NCKIPSD: variants seen among roughly 807,000 people sequenced by gnomAD.
NCKIPSD encodes NCK interacting protein with SH3 domain.
A neutral mutation model predicts 73.4 loss-of-function variants in NCKIPSD; 48 were observed. That is an observed-to-expected ratio of 0.65 (90% CI 0.52 to 0.83). NCKIPSD has a LOEUF of 0.83. NCKIPSD is among the 40% of genes least tolerant of loss of function. NCKIPSD has a pLI of 0.00. For missense variants in NCKIPSD, 884 were observed against 970.2 expected (o/e 0.91, Z 1.18); for synonymous variants, 422 against 403.6 (o/e 1.05, Z -0.54).
chr3:48,684,479 C>A (rs1377420328), intron 1 of NCKIPSD, among the ~76,000 whole-genome samples: 1 of 152,206 alleles, frequency 6.6e-6, no homozygotes, highest in African/African-American at 2.4e-5. Flanking sequence ...TGGGATCACG[C>A]CAAGGGTCTA....
intron 3 of NCKIPSD, 26 bp downstream of exon 3, chr3:48,682,322 T>C (rs2077368097): frequency 6.2e-7 from 1 of 1,611,862 alleles, no homozygotes; most frequent in Non-Finnish European, 8.5e-7. Context: ...CCCACCTCCC[T>C]TCTCCACGAT....
In NCKIPSD at chr3:48,678,930, T is replaced by C. The variant is rs1559491974; in HGVS notation, c.1739A>G (p.His580Arg). 1 of 1,613,864 alleles carries C rather than the reference T, an allele frequency of 6.2e-7. No individual in the cohort carries two copies. Among genetic ancestry groups the C allele is most frequent in the Non-Finnish European group, 8.5e-7 (1 of 1,179,976 alleles). ...QNVIMAALSKHANVKIFSEKL... is the reference protein window; with the variant it reads ...QNVIMAALSKRANVKIFSEKL... ...CTCGGAGAAGATCTTGACATTGGCGTGTTTGCTCAGGGCAGCCATGATGAC... is the reference window on the plus strand; with the variant it reads ...CTCGGAGAAGATCTTGACATTGGCGCGTTTGCTCAGGGCAGCCATGATGAC... Residue 580 changes from histidine (H) to arginine (R), a missense_variant, in exon 11 of 13, where the codon CAC becomes CGC. His to Arg is a conservative substitution (Grantham distance 29). Transcript: ENST00000294129.
In NCKIPSD at chr3:48,685,739, G is replaced by A. The variant is rs746238210; in HGVS notation, c.69C>T (p.Thr23=). Residue 23 remains threonine, a synonymous_variant, in exon 1 of 13, where the codon ACC becomes ACT. Transcript: ENST00000294129. ...CGCTGCTTCGCTCTAGCACCAGGAA[G>A]GTCTCGCCCGCGGCGAACGCCAGCG... ...PNALAFAAGE[T]FLVLERSSAH... The A allele has an allele frequency of 7.2e-6, 11 of 1,532,568 alleles. No individual in the cohort carries two copies. The South Asian group carries it at 1.3e-4, about 18-fold the overall frequency. The allele number at this position is 1,532,568 out of a possible 1,614,324, so 94.9% of individuals were successfully genotyped here. A position where few individuals can be genotyped will look rare whatever the true frequency, so the allele number is the denominator to read the frequency against.
At position 48,674,781 on chromosome 3, in the gene NCKIPSD, G is replaced by T. The variant is rs1246065147; in HGVS notation, c.1966-34C>A. 4 of 1,606,354 alleles carry T rather than the reference G, an allele frequency of 2.5e-6. No individual in the cohort carries two copies. The African/African-American group carries it at 5.3e-5, about 21-fold the overall frequency. On this transcript the variant is annotated intron_variant, in intron 12 of 12. Coordinates refer to ENST00000294129, the MANE Select transcript of NCKIPSD (RefSeq NM_016453.4). ...AGAGCAGGCCAGCTCAGGGACCCCA[G>T]GGAGGTACTGCAACCACCACTGGAC...
chr3:48,680,505 C>A (rs1311004611), intron 5 of NCKIPSD, among the ~76,000 whole-genome samples: 1 of 152,168 alleles, frequency 6.6e-6, no homozygotes, highest in Non-Finnish European at 1.5e-5. Context: ...TCTGTCACTG[C>A]CAGAATGTGA....
At chr3:48,685,580 C>A in intron 1 of NCKIPSD, 57 bp downstream of exon 1, 1 of 1,469,766 alleles carries the variant, frequency 6.8e-7, no homozygotes, top group Non-Finnish European at 8.9e-7. Context: ...TTCCGCGGGG[C>A]TGTGAAGGGG....
At chr3:48,683,322 A>T (rs763789584) in intron 1 of NCKIPSD, among the ~76,000 whole-genome samples, 1 of 152,226 alleles carries the variant, frequency 6.6e-6, no homozygotes, top group Non-Finnish European at 1.5e-5. Flanking sequence ...AACATAGCCC[A>T]GGGGCTCCCA....
rs1241740509 is a variant in NCKIPSD at position 48,685,696 on chromosome 3, C to A, written c.112G>T (p.Ala38Ser). Residue 38 changes from alanine (A) to serine (S), a missense_variant, in exon 1 of 13, where the codon GCG becomes TCG. Physicochemically the swap from Ala to Ser is moderately conservative, Grantham distance 99. Coordinates refer to ENST00000294129, the MANE Select transcript of NCKIPSD (RefSeq NM_016453.4). ...ERSSAHWWLA[A>S]RARSGETGYV... is the part of the protein sequence containing the mutation. ...CCCGTCTCACCACTGCGCGCCCGCG[C>A]GGCCAGCCACCAGTGCGCGCTGCTT... The A allele has an allele frequency of 1.3e-6, 2 of 1,526,524 alleles. No individual in the cohort carries two copies. Among genetic ancestry groups the A allele is most frequent in the Non-Finnish European group, 1.7e-6 (2 of 1,142,886 alleles). The allele number at this position is 1,526,524 out of a possible 1,614,324, so 94.6% of individuals were successfully genotyped here.
Position 48,685,787 on chromosome 3 carries a change from C to A in NCKIPSD, c.21G>T (p.Ala7=). ...GCGCGTTGGGCTCCGCCGAGCGGAA[C>A]GCGTACAGCGCGCGGTACATGAGGC... MYRALY[A]FRSAEPNALA... The change falls in exon 1 of 13, where the codon GCG becomes GCT. Residue 7 remains alanine, a synonymous_variant. Coordinates refer to ENST00000294129, the MANE Select transcript of NCKIPSD (RefSeq NM_016453.4). The A allele has an allele frequency of 1.3e-6, 2 of 1,519,230 alleles. No individual in the cohort carries two copies. Among genetic ancestry groups the A allele is most frequent in the Non-Finnish European group, 1.7e-6 (2 of 1,142,928 alleles). The allele number at this position is 1,519,230 out of a possible 1,614,324, so 94.1% of individuals were successfully genotyped here. A position where few individuals can be genotyped will look rare whatever the true frequency, so the allele number is the denominator to read the frequency against.
intron 3 of NCKIPSD, 71 bp downstream of exon 3, chr3:48,682,277 A>ACC: frequency 1.3e-6 from 2 of 1,594,102 alleles, no homozygotes; most frequent in Non-Finnish European, 1.7e-6. Flanking sequence ...TCCTGAGTGG[A>ACC]CCCCTTGAGC....
At chr3:48,684,017 C>CAGAG (rs1363581173) in intron 1 of NCKIPSD, among the ~76,000 whole-genome samples, 53 of 148,172 alleles carry the variant, frequency 3.6e-4, no homozygotes, top group Middle Eastern at 3.4e-3. Context: ...CACACACACA[C>CAGAG]ACAGAGAGAG....
Position 48,685,638 on chromosome 3 carries a change from T to A in NCKIPSD, c.170A>T (p.Gln57Leu). 1 of 1,521,102 alleles carries A rather than the reference T, an allele frequency of 6.6e-7. No homozygotes were observed. The highest frequency in any genetic ancestry group is 8.8e-7 in the Non-Finnish European group (1 of 1,140,512). 94.2% of individuals were successfully genotyped at this position (1,521,102 alleles called of 1,614,324 possible). A position where few individuals can be genotyped will look rare whatever the true frequency, so the allele number is the denominator to read the frequency against. Residue 57 changes from glutamine (Q) to leucine (L), a missense_variant and splice_region_variant, in exon 1 of 13, where the codon CAG becomes CTG. Coordinates refer to ENST00000294129, the MANE Select transcript of NCKIPSD (RefSeq NM_016453.4). Reference sequence around the variant, plus strand: ...CCGGGCGGGAAGGGGCGCACTCACCTGCAGGCGGCGCAGGTAGGCTGGCGG... The same window carrying A: ...CCGGGCGGGAAGGGGCGCACTCACCAGCAGGCGGCGCAGGTAGGCTGGCGG... ...YVPPAYLRRL[Q>L]GLEQDVLQAI...
Position 48,683,014 on chromosome 3 carries a change from T to C in NCKIPSD, c.172-2A>G. 6.5e-7 allele frequency: 1 copy of C among 1,540,252 alleles called. No individual in the cohort carries two copies. Among genetic ancestry groups the C allele is most frequent in the Non-Finnish European group, 8.8e-7 (1 of 1,140,652 alleles). On this transcript the variant is annotated splice_acceptor_variant, in intron 1 of 12. Transcript: ENST00000294129. LOFTEE classifies it high-confidence loss of function. ...CTGGAGGACATCCTGCTCCAGGCCC[T>C]GGGGGGGGCAGGGGACAGCAGTTAG... is the stretch of plus-strand genomic sequence containing the variant.
chr3:48,681,591 G>A lies in NCKIPSD; in HGVS notation c.788C>T (p.Ser263Phe). The change falls in exon 5 of 13, where the codon TCC (serine) becomes TTC (phenylalanine). Residue 263 changes from serine (S) to phenylalanine (F), a missense_variant. Transcript: ENST00000294129. ...AGGGGGTTCAGGTGCTGATGCCTTG[G>A]AGGGAGGGGGCTGGACTTGGGACAC... is the stretch of plus-strand genomic sequence containing the variant. Reference protein sequence around the residue: ...TTVSQVQPPPSKASAPEPPAE... With the variant: ...TTVSQVQPPPFKASAPEPPAE... 1 of 1,614,020 alleles carries A rather than the reference G, an allele frequency of 6.2e-7. No homozygotes were observed. Among genetic ancestry groups the A allele is most frequent in the Non-Finnish European group, 8.5e-7 (1 of 1,180,014 alleles).
chr3:48,678,702 C>T lies in NCKIPSD; in HGVS notation c.1827G>A (p.Gln609=), dbSNP rs748061074. Residue 609 remains glutamine (Q), a synonymous_variant, in exon 12 of 13, where the codon CAG becomes CAA. Coordinates refer to ENST00000294129, the MANE Select transcript of NCKIPSD (RefSeq NM_016453.4). ...GGAACTTGAGGACAGAGTGTGGTGG[C>T]TGTGGCTCATGTTTGAAGATGCGCA... ...DPVRIFKHEP[Q]PPHSVLKFLQ... The T allele has an allele frequency of 6.2e-7, 1 of 1,613,972 alleles. No individual in the cohort carries two copies. The highest frequency in any genetic ancestry group is 8.5e-7 in the Non-Finnish European group (1 of 1,179,942).
At chr3:48,684,837 A>G (rs915168613) in intron 1 of NCKIPSD, among the ~76,000 whole-genome samples, 1 of 152,062 alleles carries the variant, frequency 6.6e-6, no homozygotes, top group Non-Finnish European at 1.5e-5. Context: ...AGCAGTCCCC[A>G]CTCCAGGCTG....
chr3:48,680,493 ACT>A (rs2077333242), intron 5 of NCKIPSD, among the ~76,000 whole-genome samples: 1 of 151,894 alleles, frequency 6.6e-6, no homozygotes, highest in Admixed American at 6.6e-5. Flanking sequence ...AGGGCCATGA[ACT>A]CTGTCACTGC....
intron 1 of NCKIPSD, among the ~76,000 whole-genome samples, chr3:48,685,199 GA>G: frequency 9.5e-6 from 1 of 105,102 alleles, no homozygotes; most frequent in East Asian, 2.5e-4. Context: ...GGAAGGGAGG[GA>G]GGGAGGGAGG....
At chr3:48,679,244 C>G in intron 9 of NCKIPSD, 61 bp from the exon 10 acceptor site, 2 of 1,610,736 alleles carry the variant, frequency 1.2e-6, no homozygotes, top group Non-Finnish European at 1.7e-6. Flanking sequence ...GCACCACCCA[C>G]CCTTCCTGGC....
Sources: gnomAD v4.1 joint callset for allele counts (sites outside exome capture counted in the v4.1 genomes callset) on GRCh38, gnomAD v4.1.1 for gene constraint, MANE v1.5 for transcripts, NCBI Gene and HGNC (gene_info 2026-07-23, HGNC 2026-07-21) for gene names.